PIK3C2G: variants seen among roughly 807,000 people sequenced by gnomAD.
PIK3C2G encodes the protein phosphatidylinositol 3-kinase C2 domain-containing subunit gamma.
A neutral mutation model predicts 181.1 loss-of-function variants in PIK3C2G; 168 were observed. The ratio of observed to expected loss-of-function variants is 0.93; its 90% confidence interval spans 0.82 to 1.05. The LOEUF (loss-of-function observed/expected upper bound fraction) is 1.05, where lower values mean the gene tolerates loss of function less well. Ranked by LOEUF, PIK3C2G falls within the 50% of genes least tolerant of loss-of-function variation. The probability of loss-of-function intolerance (pLI) is 0.00; values close to 1 mark genes in which losing one functional copy is unlikely to be tolerated. For missense variants in PIK3C2G, 1,869 were observed against 1,732.8 expected (o/e 1.08, Z -1.40); for synonymous variants, 573 against 592.2 (o/e 0.97, Z 0.47).
At chr12:18,309,958 T>C (rs1199084737) in intron 5 of PIK3C2G, among the ~76,000 whole-genome samples, 2 of 151,874 alleles carry the variant, frequency 1.3e-5, no homozygotes, top group Non-Finnish European at 3.0e-5. Context: ...CCAGTTCTAT[T>C]GTTATTTTAT....
chr12:18,701,477 G>C, the PIK3C2G span: 1 of 1,613,952 alleles, frequency 6.2e-7, no homozygotes, highest in African/African-American at 1.3e-5. Flanking sequence ...TCACTTGTAA[G>C]ATTTTCACAA....
intron 1 of PIK3C2G, among the ~76,000 whole-genome samples, chr12:18,265,878 G>C (rs1344130520): frequency 1.3e-5 from 2 of 151,742 alleles, no homozygotes; most frequent in Non-Finnish European, 2.9e-5. Context: ...GGCAGGCATG[G>C]TGGCAGGCGC....
intron 18 of PIK3C2G, among the ~76,000 whole-genome samples, chr12:18,435,780 T>C (rs1469348901): frequency 6.6e-6 from 1 of 152,080 alleles, no homozygotes; most frequent in Non-Finnish European, 1.5e-5. Flanking sequence ...TGTTCCCTTG[T>C]CTGTCTATAT....
intron 5 of PIK3C2G, among the ~76,000 whole-genome samples, chr12:18,297,250 A>G (rs7953555): frequency 0.38 from 57,119 of 151,794 alleles, 10,951 homozygotes; most frequent in Admixed American, 0.42. Context: ...TTGATAATAT[A>G]TGAAGTATAA....
rs113071329 is a variant in PIK3C2G at position 18,592,735 on chromosome 12, T to C, written c.4012-1759T>C. Among the ~76,000 whole-genome samples, 472 of 152,064 alleles carry C rather than the reference T, an allele frequency of 3.1e-3. 2 individuals are homozygous for C. The highest frequency in any genetic ancestry group is 9.6e-3 in the African/African-American group (399 of 41,522). ...TTTGACTCACCTGTTTGTTAGTTTT[T>C]AAAATTGACAGAATTGACCATATTT... On this transcript the variant is annotated intron_variant, in intron 29 of 32. Coordinates refer to ENST00000538779, the MANE Select transcript of PIK3C2G (RefSeq NM_001288772.2).
chr12:18,613,145 T>C (rs922005980), intron 31 of PIK3C2G, among the ~76,000 whole-genome samples: 2 of 152,154 alleles, frequency 1.3e-5, no homozygotes, highest in African/African-American at 4.8e-5. Flanking sequence ...ATGTCTACAA[T>C]GTCTCTCCAT....
intron 2 of PIK3C2G, 29 bp from the exon 3 acceptor site, chr12:18,286,818 T>C: frequency 8.6e-7 from 1 of 1,160,600 alleles, no homozygotes; most frequent in Non-Finnish European, 1.2e-6. Flanking sequence ...TTCTCCAAAT[T>C]ATATTAATTT....
chr12:18,436,493 G>C (rs1019094827), intron 18 of PIK3C2G, among the ~76,000 whole-genome samples: 32 of 151,866 alleles, frequency 2.1e-4, no homozygotes, highest in African/African-American at 6.5e-4. Flanking sequence ...GAGTAGATTT[G>C]GTATAGACAA....
At chr12:18,314,248 C>A (rs943188561) in intron 6 of PIK3C2G, among the ~76,000 whole-genome samples, 184 bp downstream of exon 6, 1 of 152,188 alleles carries the variant, frequency 6.6e-6, no homozygotes, top group South Asian at 2.1e-4. Flanking sequence ...ATGATTTGAA[C>A]TGATGCAATA....
chr12:18,267,945 A>C (rs1445667160), intron 1 of PIK3C2G, among the ~76,000 whole-genome samples: 2 of 152,218 alleles, frequency 1.3e-5, no homozygotes. Context: ...CTTAGAACGC[A>C]TGTAGAAAGC....
intron 11 of PIK3C2G, among the ~76,000 whole-genome samples, chr12:18,362,335 C>A (rs568776572): frequency 1.3e-5 from 2 of 152,098 alleles, no homozygotes; most frequent in Admixed American, 1.3e-4. Flanking sequence ...GTTAGATGTA[C>A]GTCCCCGTGT....
rs371328289 is a variant in PIK3C2G at position 18,498,511 on chromosome 12, G to A, written c.3016+763G>A. Among the ~76,000 whole-genome samples, 14 of 151,742 alleles carry A rather than the reference G, an allele frequency of 9.2e-5. No individual in the cohort carries two copies. The East Asian group carries it at 2.7e-3, about 29-fold the overall frequency. ...GGTATGAATTATAGCACATACATGT[G>A]CATAAACAAAGGGATGAAATCATAG... On this transcript the variant is annotated intron_variant, in intron 22 of 32. Transcript: ENST00000538779.
chr12:18,662,040 T>A, the PIK3C2G span, among the ~76,000 whole-genome samples: 205 of 152,210 alleles, frequency 1.3e-3, 1 homozygote, highest in African/African-American at 4.8e-3. Flanking sequence ...AAACCAATAC[T>A]GCGTGTTCTC....
At chr12:18,704,016 T>C in the PIK3C2G span, among the ~76,000 whole-genome samples, 1 of 152,250 alleles carries the variant, frequency 6.6e-6, no homozygotes, top group African/African-American at 2.4e-5. Flanking sequence ...TGATAAAATT[T>C]GGGATAGGGA....
the PIK3C2G span, chr12:18,693,915 T>C: frequency 2.0e-6 from 3 of 1,526,518 alleles, no homozygotes; most frequent in East Asian, 4.5e-5. Flanking sequence ...GATGTAACCC[T>C]GCACGACTTG....
At chr12:18,257,958 G>A (rs1948165038), upstream of PIK3C2G, among the ~76,000 whole-genome samples, 1 of 152,052 alleles carries the variant, frequency 6.6e-6, no homozygotes, top group South Asian at 2.1e-4. Context: ...CTTCTTGGTA[G>A]AACCAACTCT....
chr12:18,278,211 C>T (rs778457873), intron 1 of PIK3C2G, among the ~76,000 whole-genome samples: 28 of 152,166 alleles, frequency 1.8e-4, no homozygotes, highest in Non-Finnish European at 3.7e-4. Flanking sequence ...TCCCACTGTA[C>T]TAAGATCAAG....
At chr12:18,291,178 A>C (rs1270901721) in intron 4 of PIK3C2G, among the ~76,000 whole-genome samples, 166 bp downstream of exon 4, 2 of 152,214 alleles carry the variant, frequency 1.3e-5, no homozygotes, top group African/African-American at 2.4e-5. Flanking sequence ...TACTTAAGGG[A>C]GGAAAGCAAA....
chr12:18,274,924 C>G (rs1948918028), intron 1 of PIK3C2G, among the ~76,000 whole-genome samples: 1 of 152,164 alleles, frequency 6.6e-6, no homozygotes, highest in African/African-American at 2.4e-5. Context: ...CCTCATCTGT[C>G]TGAGGTCTCT....
Sources: gnomAD v4.1 joint callset for allele counts (sites outside exome capture counted in the v4.1 genomes callset) on GRCh38, gnomAD v4.1.1 for gene constraint, MANE v1.5 for transcripts, NCBI Gene and HGNC (gene_info 2026-07-23, HGNC 2026-07-21) for gene names.